The following ABLIM2 variants were observed in gnomAD, a reference collection of about 807,000 sequenced individuals.
ABLIM2 encodes the protein actin-binding LIM protein 2.
A neutral mutation model predicts 97.7 loss-of-function variants in ABLIM2; 53 were observed. The ratio of observed to expected loss-of-function variants is 0.54; its 90% CI spans 0.44 to 0.68. The LOEUF is 0.68. ABLIM2 is among the 30% of genes least tolerant of loss of function. The pLI, the probability that ABLIM2 is intolerant of heterozygous loss-of-function variation, is 0.00. For missense variants in ABLIM2, 835 were observed against 867.2 expected (o/e 0.96, Z 0.47); for synonymous variants, 361 against 345.8 (o/e 1.04, Z -0.49).
intron 2 of ABLIM2, 58 bp from the exon 3 acceptor site, chr4:8,097,340 C>T: frequency 6.5e-7 from 1 of 1,539,234 alleles, no homozygotes; most frequent in African/African-American, 1.4e-5. Context: ...CCACGTCCCC[C>T]AGGCCCGAGG....
intron 6 of ABLIM2, among the ~76,000 whole-genome samples, chr4:8,062,532 C>G (rs539637759): frequency 2.2e-4 from 33 of 152,084 alleles, no homozygotes; most frequent in African/African-American, 7.5e-4. Flanking sequence ...CTCTGCCCCC[C>G]AGGTTCACAC....
Position 8,123,341 on chromosome 4 carries a change from G to A in ABLIM2, c.11-16704C>T, listed in dbSNP as rs1846324060. On this transcript the variant is annotated intron_variant, in intron 1 of 20. Coordinates refer to ENST00000447017, the MANE Select transcript of ABLIM2 (RefSeq NM_001130083.2). This position sits in a 1 kb window ranked among gnomAD's most constrained non-coding sequence, Gnocchi z 6.2. Reference sequence around the variant, plus strand: ...GGCAAGGGAACCCCATCTCAGAGATGCTCAGTAACCTGTCTAGATCACACA... The same window carrying A: ...GGCAAGGGAACCCCATCTCAGAGATACTCAGTAACCTGTCTAGATCACACA... 6.6e-6 allele frequency among the ~76,000 whole-genome samples: 1 copy of A among 152,194 alleles called. No homozygotes were observed. The highest frequency in any genetic ancestry group is 1.5e-5 in the Non-Finnish European group (1 of 68,040).
rs115675590 is a variant in ABLIM2 at position 8,048,410 on chromosome 4, T to C, written c.823-3169A>G. On this transcript the variant is annotated intron_variant, in intron 8 of 20. Coordinates refer to ENST00000447017, the MANE Select transcript of ABLIM2 (RefSeq NM_001130083.2). The stretch of plus-strand genomic sequence containing the variant: ...TTGCCTGGCCCCAGGGAGGCAGCTG[T>C]CCTTCAACAGTCACTGGGGAGGCCT... 8.3e-3 allele frequency among the ~76,000 whole-genome samples: 1,257 copies of C among 152,252 alleles called. 18 individuals are homozygous for C. The highest frequency in any genetic ancestry group is 0.029 in the African/African-American group (1,188 of 41,558).
chr4:8,077,158 A>G (rs529371600), intron 6 of ABLIM2, among the ~76,000 whole-genome samples: 85 of 152,300 alleles, frequency 5.6e-4, no homozygotes, highest in African/African-American at 1.9e-3. Flanking sequence ...ATTTTCACAC[A>G]GGGAACATGC....
intron 5 of ABLIM2, among the ~76,000 whole-genome samples, chr4:8,079,779 C>T (rs921039092): frequency 2.0e-5 from 3 of 152,108 alleles, no homozygotes; most frequent in Non-Finnish European, 4.4e-5. Flanking sequence ...TGTGTGTGCG[C>T]GCGCCTCACT....
chr4:7,982,255 G>A (rs1382651121), intron 20 of ABLIM2, among the ~76,000 whole-genome samples: 1 of 152,246 alleles, frequency 6.6e-6, no homozygotes, highest in Non-Finnish European at 1.5e-5. Flanking sequence ...GCATAGCCTG[G>A]CAGCTGGCCC....
Position 7,966,740 on chromosome 4 carries a change from T to G in ABLIM2, c.*250A>C. On this transcript the variant is annotated 3_prime_UTR_variant, in exon 21 of 21. Coordinates refer to ENST00000447017, the MANE Select transcript of ABLIM2 (RefSeq NM_001130083.2). Reference sequence around the variant, plus strand: ...TCCATCTGATGCCCGACACAGCCACTCTACAGCCTCTCCCTGACACCAAGC... The same window carrying G: ...TCCATCTGATGCCCGACACAGCCACGCTACAGCCTCTCCCTGACACCAAGC... 1 of 503,612 alleles carries G rather than the reference T, an allele frequency of 2.0e-6. No individual in the cohort carries two copies. The highest frequency in any genetic ancestry group is 3.6e-6 in the Non-Finnish European group (1 of 280,688). The allele number at this position is 503,612 out of a possible 1,614,324, so 31.2% of individuals were successfully genotyped here.
intron 14 of ABLIM2, among the ~76,000 whole-genome samples, chr4:8,011,923 A>T (rs1765159396): frequency 6.6e-6 from 1 of 152,156 alleles, no homozygotes; most frequent in South Asian, 2.1e-4. Context: ...TAATTCATTC[A>T]TATCTGAACA....
rs1291125663 is a variant in ABLIM2 at position 8,032,959 on chromosome 4, C to T, written c.1048-3183G>A. Reference sequence around the variant, plus strand: ...TGTCTCTACCTGGCCACCCCCACGTCCCACTGTTCTCCCACAAAGATGTGT... The same window carrying T: ...TGTCTCTACCTGGCCACCCCCACGTTCCACTGTTCTCCCACAAAGATGTGT... On this transcript the variant is annotated intron_variant, in intron 10 of 20. Coordinates refer to ENST00000447017, the MANE Select transcript of ABLIM2 (RefSeq NM_001130083.2). This position sits in a 1 kb window ranked among gnomAD's most constrained non-coding sequence, Gnocchi z 4.3. 6.6e-6 allele frequency among the ~76,000 whole-genome samples: 1 copy of T among 152,228 alleles called. No homozygotes were observed. The highest frequency in any genetic ancestry group is 2.4e-5 in the African/African-American group (1 of 41,448).
chr4:8,123,188 C>T lies in ABLIM2; in HGVS notation c.11-16551G>A, dbSNP rs908965412. On this transcript the variant is annotated intron_variant, in intron 1 of 20. Coordinates refer to ENST00000447017, the MANE Select transcript of ABLIM2 (RefSeq NM_001130083.2). This position sits in a 1 kb window ranked among gnomAD's most constrained non-coding sequence, Gnocchi z 6.2. ...CGGTCCTCAGAGCATTCTTCCCTGG[C>T]AGCTGGTGCCCCTTACTTGGGGTCT... Among the ~76,000 whole-genome samples the T allele has an allele frequency of 6.6e-6, 1 of 152,216 alleles. No individual in the cohort carries two copies. Among genetic ancestry groups the T allele is most frequent in the Non-Finnish European group, 1.5e-5 (1 of 68,036 alleles).
rs6817332 is a variant in ABLIM2 at position 8,130,614 on chromosome 4, G to C, written c.11-23977C>G. ...CCTGGCCCGAGTCCAGGGTGTGCTTGACGGCACCCAGGGGAGCACAGGGTG... is the reference window on the plus strand; with the variant it reads ...CCTGGCCCGAGTCCAGGGTGTGCTTCACGGCACCCAGGGGAGCACAGGGTG... On this transcript the variant is annotated intron_variant, in intron 1 of 20. Transcript: ENST00000447017. This position sits in a 1 kb window ranked among gnomAD's most constrained non-coding sequence, Gnocchi z 4.2. 1.8e-3 allele frequency among the ~76,000 whole-genome samples: 275 copies of C among 152,104 alleles called. 1 individual carries two copies. Among genetic ancestry groups the C allele is most frequent in the African/African-American group, 6.2e-3 (257 of 41,420 alleles).
intron 20 of ABLIM2, among the ~76,000 whole-genome samples, chr4:7,973,692 C>A (rs887992736): frequency 6.6e-6 from 1 of 152,154 alleles, no homozygotes; most frequent in Non-Finnish European, 1.5e-5. Flanking sequence ...TGTTTTCCTG[C>A]TAAGCCCTGC....
intron 6 of ABLIM2, among the ~76,000 whole-genome samples, chr4:8,063,109 A>C (rs1044387310): frequency 1.3e-5 from 2 of 152,152 alleles, no homozygotes; most frequent in African/African-American, 4.8e-5. Flanking sequence ...TCTGTTGCCC[A>C]GGCTGGAGTG....
intron 8 of ABLIM2, among the ~76,000 whole-genome samples, chr4:8,050,146 T>C (rs1308636821): frequency 6.6e-6 from 1 of 152,222 alleles, no homozygotes; most frequent in Non-Finnish European, 1.5e-5. Flanking sequence ...CGTGTCTTCC[T>C]GACATGTATA....
chr4:7,977,495 T>G (rs1179061201), intron 20 of ABLIM2, among the ~76,000 whole-genome samples: 1 of 152,184 alleles, frequency 6.6e-6, no homozygotes, highest in East Asian at 1.9e-4. Flanking sequence ...TATTGCCATT[T>G]AAAAGGTAGG....
chr4:8,084,541 A>G (rs748640430), intron 4 of ABLIM2, among the ~76,000 whole-genome samples: 14 of 152,176 alleles, frequency 9.2e-5, no homozygotes, highest in Admixed American at 2.0e-4. Context: ...TTGCTGGAAG[A>G]GTGGAGGACC....
Position 8,071,696 on chromosome 4 carries a change from C to CA in ABLIM2, c.675+5931dup. ...CCTGACTGCTCTGTCCCCAAAAACCCACCCACCCGCAGCCCCTCCTGGCCC... is the reference window on the plus strand; with the variant it reads ...CCTGACTGCTCTGTCCCCAAAAACCCAACCCACCCGCAGCCCCTCCTGGCCC... On this transcript the variant is annotated intron_variant, in intron 6 of 20. Transcript: ENST00000447017. This position sits in a 1 kb window ranked among gnomAD's most constrained non-coding sequence, Gnocchi z 6.2. 3 of 784,454 alleles carry CA rather than the reference C, an allele frequency of 3.8e-6. No homozygotes were observed. Among genetic ancestry groups the CA allele is most frequent in the Non-Finnish European group, 4.6e-6 (3 of 646,164 alleles). The allele number at this position is 784,454 out of a possible 1,614,324, so 48.6% of individuals were successfully genotyped here. A position where few individuals can be genotyped will look rare whatever the true frequency, so the allele number is the denominator to read the frequency against.
In ABLIM2 at chr4:8,036,016, G is replaced by A. The variant is rs1784267949; in HGVS notation, c.1047+133C>T. Reference sequence around the variant, plus strand: ...ATGGCTATCTGATGGGCGTGAAGAGGCTGAGCGTGTGGGTGAGTGGTGAAG... The same window carrying A: ...ATGGCTATCTGATGGGCGTGAAGAGACTGAGCGTGTGGGTGAGTGGTGAAG... On this transcript the variant is annotated intron_variant, in intron 10 of 20. Transcript: ENST00000447017. The A allele has an allele frequency of 8.0e-6, 9 of 1,129,196 alleles. No individual in the cohort carries two copies. In the South Asian group the frequency reaches 1.3e-4, roughly 16 times the overall value. The allele number at this position is 1,129,196 out of a possible 1,614,324, so 69.9% of individuals were successfully genotyped here.
chr4:7,980,938 C>CTTTTTTTTTTTT (rs1255215577), intron 20 of ABLIM2, among the ~76,000 whole-genome samples: 1 of 38,496 alleles, frequency 2.6e-5, no homozygotes, highest in Admixed American at 2.3e-4. Flanking sequence ...TCCACAACCC[C>CTTTTTTTTTTTT]TTATTTTTTT....
Sources: gnomAD v4.1 joint callset for allele counts (sites outside exome capture counted in the v4.1 genomes callset) on GRCh38, gnomAD v4.1.1 for gene constraint, Gnocchi (gnomAD v3.1) non-coding constraint, MANE v1.5 for transcripts, NCBI Gene and HGNC (gene_info 2026-07-23, HGNC 2026-07-21) for gene names.